The following C2CD3 variants were observed in gnomAD, a reference collection of about 807,000 sequenced individuals.
The protein encoded by C2CD3 is C2 domain containing 3 centriole elongation regulator.
A neutral mutation model predicts 234.0 loss-of-function variants in C2CD3; 148 were observed. The observed-to-expected ratio is 0.63, with a 90% CI of 0.55 to 0.72. The LOEUF is 0.72. Ranked by LOEUF, C2CD3 falls within the 30% of genes least tolerant of loss-of-function variation. The probability of loss-of-function intolerance (pLI) is 0.00; values close to 1 mark genes in which losing one functional copy is unlikely to be tolerated. For missense variants in C2CD3, 2,577 were observed against 2,811.5 expected (o/e 0.92, Z 1.89); for synonymous variants, 1,000 against 1,035.4 (o/e 0.97, Z 0.66).
At chr11:74,087,123 TC>T (rs1160126621) in intron 20 of C2CD3, among the ~76,000 whole-genome samples, 6 of 152,220 alleles carry the variant, frequency 3.9e-5, no homozygotes, top group African/African-American at 1.4e-4. Context: ...AAAAACTTTT[TC>T]CTTTTCATTA....
chr11:74,062,691 A>G (rs1954303806), intron 24 of C2CD3, among the ~76,000 whole-genome samples: 2 of 151,926 alleles, frequency 1.3e-5, no homozygotes, highest in Non-Finnish European at 2.9e-5. Flanking sequence ...TAAAATTGAC[A>G]CCCTAACATC....
intron 14 of C2CD3, among the ~76,000 whole-genome samples, 171 bp from the exon 15 acceptor site, chr11:74,100,847 T>A (rs1956288569): frequency 6.6e-6 from 1 of 152,248 alleles, no homozygotes. Flanking sequence ...AGTAGCAGTC[T>A]GCTGTTAGAG....
intron 11 of C2CD3, chr11:74,113,381 C>T (rs1956809081): frequency 5.1e-6 from 1 of 196,894 alleles, no homozygotes. Flanking sequence ...GATGGTTGCA[C>T]AGCCTTGAAA....
Position 74,064,031 on chromosome 11 carries a change from C to G in C2CD3, c.4952-6487G>C, listed in dbSNP as rs1198349567. Among the ~76,000 whole-genome samples the G allele has an allele frequency of 2.0e-5, 3 of 152,104 alleles. No homozygotes were observed. In the East Asian group the frequency reaches 5.8e-4, roughly 29 times the overall value. On this transcript the variant is annotated intron_variant, in intron 24 of 32. Coordinates refer to ENST00000334126, the MANE Select transcript of C2CD3 (RefSeq NM_001286577.2). ...CATCATTTAGCATTAGGTATATCTC[C>G]TAATGCTATCCCTCCCCCGTCCCAC...
At chr11:74,083,973 A>G (rs1955519845) in intron 22 of C2CD3, among the ~76,000 whole-genome samples, 1 of 152,188 alleles carries the variant, frequency 6.6e-6, no homozygotes, top group Non-Finnish European at 1.5e-5. Context: ...AAATCATGCT[A>G]CTATAAAGAC....
chr11:74,112,808 C>T (rs535024497), intron 11 of C2CD3, among the ~76,000 whole-genome samples: 33 of 152,246 alleles, frequency 2.2e-4, no homozygotes, highest in Non-Finnish European at 3.7e-4. Context: ...CAAGTGTTGA[C>T]GAGGATGTAG....
At chr11:74,029,987 C>G (rs1952459240) in intron 31 of C2CD3, among the ~76,000 whole-genome samples, 1 of 152,154 alleles carries the variant, frequency 6.6e-6, no homozygotes. Flanking sequence ...AACTCCTGAC[C>G]TCAAGTGATC....
chr11:74,142,758 G>A (rs1159160558), intron 3 of C2CD3, among the ~76,000 whole-genome samples: 2 of 152,108 alleles, frequency 1.3e-5, no homozygotes, highest in East Asian at 1.9e-4. Context: ...AGAATGTTCT[G>A]TCAATTCCTA....
chr11:74,115,747 A>C (rs1956906477), intron 9 of C2CD3, among the ~76,000 whole-genome samples: 1 of 152,222 alleles, frequency 6.6e-6, no homozygotes, highest in Non-Finnish European at 1.5e-5. Flanking sequence ...ACAGTCACCA[A>C]AACAGCATGG....
At chr11:74,026,445 A>T (rs1952303319) in intron 32 of C2CD3, among the ~76,000 whole-genome samples, 1 of 152,228 alleles carries the variant, frequency 6.6e-6, no homozygotes, top group South Asian at 2.1e-4. Flanking sequence ...AGGATCAGGC[A>T]TCTGATGCTT....
chr11:74,082,602 T>C (rs575218163), intron 22 of C2CD3, among the ~76,000 whole-genome samples: 24 of 152,310 alleles, frequency 1.6e-4, no homozygotes, highest in East Asian at 1.5e-3. Context: ...GATTTGCATA[T>C]GTTGAACCAG....
intron 2 of C2CD3, among the ~76,000 whole-genome samples, chr11:74,166,118 G>C (rs1395662632): frequency 5.9e-5 from 9 of 152,028 alleles, no homozygotes; most frequent in Non-Finnish European, 1.3e-4. Context: ...AGACCATCCT[G>C]GCTAACACGG....
At position 74,150,492 on chromosome 11, in the gene C2CD3, C is replaced by CAAAAA. The variant is rs769668218; in HGVS notation, c.484-10669_484-10665dup. ...TGGGCTACAGAGCAAGACCCTGTCT[C>CAAAAA]AAAAAAAAAAAAAAAAAAAAAAACA... On this transcript the variant is annotated intron_variant, in intron 3 of 32. Transcript: ENST00000334126. Among the ~76,000 whole-genome samples, 55 of 15,970 alleles carry CAAAAA rather than the reference C, an allele frequency of 3.4e-3. 3 individuals are homozygous for CAAAAA. Among genetic ancestry groups the CAAAAA allele is most frequent in the South Asian group, 0.012 (3 of 242 alleles). The allele number at this position is 15,970 out of a possible 152,430, so 10.5% of individuals were successfully genotyped here. A position where few individuals can be genotyped will look rare whatever the true frequency, so the allele number is the denominator to read the frequency against.
Position 74,121,467 on chromosome 11 carries a change from T to A in C2CD3, c.1365+1521A>T, listed in dbSNP as rs539092837. Among the ~76,000 whole-genome samples, 5 of 151,652 alleles carry A rather than the reference T, an allele frequency of 3.3e-5. No homozygotes were observed. In the East Asian group the frequency reaches 9.7e-4, roughly 29 times the overall value. ...AATAAAAATGCAAAAATTAGCCAGG[T>A]GCAGTGGCATGTGCCTGTAATCCCA... On this transcript the variant is annotated intron_variant, in intron 8 of 32. Coordinates refer to ENST00000334126, the MANE Select transcript of C2CD3 (RefSeq NM_001286577.2).
intron 20 of C2CD3, among the ~76,000 whole-genome samples, chr11:74,090,195 C>T (rs1955823634): frequency 1.3e-5 from 2 of 152,076 alleles, no homozygotes; most frequent in South Asian, 4.1e-4. Flanking sequence ...CATATGGGGT[C>T]TCATAGCCAT....
At chr11:74,041,217 TTCTTAG>T (rs1453157246) in intron 29 of C2CD3, among the ~76,000 whole-genome samples, 1 of 152,182 alleles carries the variant, frequency 6.6e-6, no homozygotes, top group African/African-American at 2.4e-5. Flanking sequence ...AGGGTAATAA[TTCTTAG>T]TCTGACATTC....
intron 24 of C2CD3, among the ~76,000 whole-genome samples, chr11:74,063,579 C>G (rs1954357126): frequency 6.6e-6 from 1 of 152,268 alleles, no homozygotes; most frequent in East Asian, 1.9e-4. Context: ...AATTCAACAG[C>G]CCTTCATGTT....
At chr11:74,073,586 CAAAA>C (rs72379516) in intron 24 of C2CD3, among the ~76,000 whole-genome samples, 2 of 114,582 alleles carry the variant, frequency 1.7e-5, no homozygotes, top group Non-Finnish European at 3.7e-5. Context: ...GACTTTGTTT[CAAAA>C]AAAAAAAAAA....
Position 74,074,302 on chromosome 11 carries a change from C to T in C2CD3, c.4902G>A (p.Thr1634=), listed in dbSNP as rs539043886. 24 of 1,614,064 alleles carry T rather than the reference C, an allele frequency of 1.5e-5. No homozygotes were observed. The South Asian group carries it at 1.6e-4, about 11-fold the overall frequency. Reference sequence around the variant, plus strand: ...TTTCTACTAGGATGCTGACTGCAAACGTTCCATCCAAATCAGCAGGGCCCT... The same window carrying T: ...TTTCTACTAGGATGCTGACTGCAAATGTTCCATCCAAATCAGCAGGGCCCT... ...TQEGPADLDG[T]FAVSILVERA... Residue 1634 remains threonine (T), a synonymous_variant, in exon 24 of 33, where the codon ACG becomes ACA. Coordinates refer to ENST00000334126, the MANE Select transcript of C2CD3 (RefSeq NM_001286577.2).
Sources: allele counts gnomAD v4.1 joint callset (sites outside exome capture counted in the v4.1 genomes callset), GRCh38; gene constraint gnomAD v4.1.1; transcripts MANE v1.5; gene names NCBI Gene and HGNC (gene_info 2026-07-23, HGNC 2026-07-21).